DLGAP2: variants seen among roughly 807,000 people sequenced by gnomAD.
DLGAP2 encodes disks large-associated protein 2.
A neutral mutation model predicts 100.3 loss-of-function variants in DLGAP2; 26 were observed. The observed-to-expected ratio is 0.26, with a 90% confidence interval of 0.19 to 0.36. DLGAP2 has a LOEUF of 0.36. DLGAP2 is among the 10% of genes least tolerant of loss of function. The pLI is 1.00. For synonymous variants in DLGAP2, 886 were observed against 630.1 expected (o/e 1.41, Z -6.08); for missense variants, 1,858 against 1,453.2 (o/e 1.28, Z -4.53).
intron 2 of DLGAP2, among the ~76,000 whole-genome samples, chr8:1,233,088 C>A (rs1299391382): frequency 6.6e-6 from 1 of 152,188 alleles, no homozygotes; most frequent in East Asian, 1.9e-4. Flanking sequence ...AAGTTTCATC[C>A]ATGTGGTAGC....
chr8:838,693 C>T (rs1221049142), intron 1 of DLGAP2, among the ~76,000 whole-genome samples: 1 of 152,052 alleles, frequency 6.6e-6, no homozygotes, highest in South Asian at 2.1e-4. Flanking sequence ...AATTAAACTT[C>T]TTTTACTGCA....
chr8:1,226,361 A>G (rs1563264582), intron 2 of DLGAP2, among the ~76,000 whole-genome samples: 1 of 152,302 alleles, frequency 6.6e-6, no homozygotes, highest in East Asian at 1.9e-4. Flanking sequence ...TCAGCAAACT[A>G]ACACAGGAAA....
chr8:1,263,001 T>A (rs1799382027), intron 3 of DLGAP2, among the ~76,000 whole-genome samples: 1 of 152,180 alleles, frequency 6.6e-6, no homozygotes, highest in Non-Finnish European at 1.5e-5. Flanking sequence ...CGGGAGAATG[T>A]ATTTGAAATC....
chr8:1,660,897 A>G (rs1798394540), intron 8 of DLGAP2, among the ~76,000 whole-genome samples: 1 of 152,198 alleles, frequency 6.6e-6, no homozygotes, highest in Admixed American at 6.5e-5. Context: ...TTCCCCTTGA[A>G]TGGTGTCACC....
intron 1 of DLGAP2, among the ~76,000 whole-genome samples, chr8:829,759 T>C (rs185481141): frequency 4.4e-4 from 67 of 152,364 alleles, no homozygotes; most frequent in African/African-American, 1.5e-3. Context: ...CGTAGTCACA[T>C]ATAGGTTCAT....
chr8:1,200,365 T>C (rs569169836), intron 2 of DLGAP2, among the ~76,000 whole-genome samples: 1 of 152,338 alleles, frequency 6.6e-6, no homozygotes, highest in Non-Finnish European at 1.5e-5. Context: ...CTTCAGAGCT[T>C]GTTAAAACTG....
intron 2 of DLGAP2, among the ~76,000 whole-genome samples, chr8:1,053,904 A>T (rs1010163197): frequency 6.6e-6 from 1 of 152,098 alleles, no homozygotes; most frequent in East Asian, 1.9e-4. Context: ...AGTACTGTTG[A>T]GTTTATATTT....
At chr8:798,359 C>T (rs1220913540) in intron 1 of DLGAP2, among the ~76,000 whole-genome samples, 2 of 147,748 alleles carry the variant, frequency 1.4e-5, no homozygotes, top group Non-Finnish European at 3.0e-5. Context: ...TCAGGACCTG[C>T]AGCCCCGTGC....
chr8:1,584,590 T>C (rs914098188), intron 6 of DLGAP2, among the ~76,000 whole-genome samples: 2 of 152,126 alleles, frequency 1.3e-5, no homozygotes, highest in Non-Finnish European at 2.9e-5. Context: ...GAGAGAGCAT[T>C]TGCACTCTGA....
intron 2 of DLGAP2, among the ~76,000 whole-genome samples, chr8:925,908 G>C (rs1475558971): frequency 6.6e-6 from 1 of 152,066 alleles, no homozygotes; most frequent in African/African-American, 2.4e-5. Context: ...ATTAATTCAG[G>C]GTTTTCCCGC....
intron 8 of DLGAP2, among the ~76,000 whole-genome samples, chr8:1,658,937 A>T (rs144331130): frequency 0.11 from 16,420 of 152,098 alleles, 1,103 homozygotes; most frequent in Middle Eastern, 0.22. Context: ...TGTCAATTTT[A>T]GATCTTTTCT....
intron 5 of DLGAP2, among the ~76,000 whole-genome samples, chr8:1,550,599 C>G (rs1439086484): frequency 6.6e-6 from 1 of 152,132 alleles, no homozygotes; most frequent in Non-Finnish European, 1.5e-5. Context: ...GCACCCCCCA[C>G]TACAAAAAGC....
chr8:1,130,102 C>T (rs75910037), intron 2 of DLGAP2, among the ~76,000 whole-genome samples: 70 of 2,062 alleles, frequency 0.034, no homozygotes, highest in Non-Finnish European at 0.058. Flanking sequence ...ACACTTCACG[C>T]GAGTTAAGGG....
chr8:1,483,473 C>A (rs113918667), intron 3 of DLGAP2, among the ~76,000 whole-genome samples: 2,788 of 127,672 alleles, frequency 0.022, 133 homozygotes, highest in African/African-American at 0.09. Context: ...GAGGGCGTCT[C>A]CACAGGGCAG....
intron 3 of DLGAP2, among the ~76,000 whole-genome samples, chr8:1,265,594 C>G (rs1799434930): frequency 6.6e-6 from 1 of 152,182 alleles, no homozygotes; most frequent in Non-Finnish European, 1.5e-5. Context: ...TACTGGGCCT[C>G]TTTGATCTAA....
chr8:1,416,896 C>T (rs1012950219), intron 3 of DLGAP2, among the ~76,000 whole-genome samples: 2 of 152,170 alleles, frequency 1.3e-5, no homozygotes, highest in African/African-American at 4.8e-5. Context: ...GTGAAAGCTT[C>T]TCAGACTTGC....
chr8:837,706 A>C (rs986074106), intron 1 of DLGAP2, among the ~76,000 whole-genome samples: 3 of 147,618 alleles, frequency 2.0e-5, no homozygotes, highest in Non-Finnish European at 3.0e-5. Context: ...TGTATATATA[A>C]ATATATATAA....
At position 1,337,502 on chromosome 8, in the gene DLGAP2, GGAT is replaced by G. The variant is rs1466723117; in HGVS notation, c.106+78627_106+78629del. Among the ~76,000 whole-genome samples the G allele has an allele frequency of 2.0e-3, 217 of 110,166 alleles. 1 individual carries two copies. The highest frequency in any genetic ancestry group is 7.4e-3 in the African/African-American group (209 of 28,252). The allele number at this position is 110,166 out of a possible 152,430, so 72.3% of individuals were successfully genotyped here. A position where few individuals can be genotyped will look rare whatever the true frequency, so the allele number is the denominator to read the frequency against. On this transcript the variant is annotated intron_variant, in intron 3 of 14. Coordinates refer to ENST00000637795, the MANE Select transcript of DLGAP2 (RefSeq NM_001346810.2). ...GGGATGGGGATGATAGTGGTGATGA[GGAT>G]GATGATGGTGATGCTGATGATAGTG...
At chr8:1,524,464 G>A (rs62487192) in intron 4 of DLGAP2, among the ~76,000 whole-genome samples, 4,430 of 152,132 alleles carry the variant, frequency 0.029, 94 homozygotes, top group Non-Finnish European at 0.046. Flanking sequence ...CAGACTGGGC[G>A]GCTTAAACAA....
Sources: allele counts gnomAD v4.1 joint callset (sites outside exome capture counted in the v4.1 genomes callset), GRCh38; gene constraint gnomAD v4.1.1; transcripts MANE v1.5; gene names NCBI Gene and HGNC (gene_info 2026-07-23, HGNC 2026-07-21).